DGKB: variants seen among roughly 807,000 people sequenced by gnomAD.
The protein encoded by DGKB is diacylglycerol kinase beta.
Under a neutral mutation model 114.3 loss-of-function variants are expected in DGKB, and 67 were observed. That is an observed-to-expected ratio of 0.59 (90% CI 0.48 to 0.72). The LOEUF (loss-of-function observed/expected upper bound fraction) is 0.72. Among genes scored for constraint, DGKB ranks in the 30% least tolerant of loss-of-function variants. The probability of loss-of-function intolerance (pLI) is 0.00; values close to 1 mark genes in which losing one functional copy is unlikely to be tolerated. For missense variants in DGKB, 907 were observed against 975.2 expected, an observed-to-expected ratio of 0.93 and a Z score of 0.93; for synonymous variants, 398 against 323.1, an observed-to-expected ratio of 1.23 and a Z score of -2.49.
At chr7:14,269,951 G>A (rs1335639814) in intron 23 of DGKB, among the ~76,000 whole-genome samples, 3 of 145,990 alleles carry the variant, frequency 2.1e-5, no homozygotes, top group Non-Finnish European at 4.5e-5. Flanking sequence ...GAATTAATAA[G>A]TAGGTACCTT....
At chr7:14,918,919 C>A (rs1355440427) in intron 1 of DGKB, among the ~76,000 whole-genome samples, 1 of 151,804 alleles carries the variant, frequency 6.6e-6, no homozygotes, top group Admixed American at 6.6e-5. Context: ...AAAAATTAGC[C>A]GGGCGTGGTG....
intron 19 of DGKB, among the ~76,000 whole-genome samples, chr7:14,579,388 G>A (rs1799608899): frequency 6.6e-6 from 1 of 152,122 alleles, no homozygotes; most frequent in South Asian, 2.1e-4. Context: ...TGCCAAATAT[G>A]GACTTCTTTA....
At chr7:14,878,442 G>T (rs1406892531) in intron 1 of DGKB, among the ~76,000 whole-genome samples, 1 of 152,008 alleles carries the variant, frequency 6.6e-6, no homozygotes, top group Non-Finnish European at 1.5e-5. Context: ...TTTTATTTGG[G>T]TATTAAAAAT....
At chr7:14,840,296 T>C in intron 2 of DGKB, among the ~76,000 whole-genome samples, 1 of 152,130 alleles carries the variant, frequency 6.6e-6, no homozygotes, top group Non-Finnish European at 1.5e-5. Context: ...ATTCTTATCA[T>C]TCTTATTGCA....
At chr7:14,769,119 AAGAAAGAGAG>A (rs1364687198) in intron 2 of DGKB, among the ~76,000 whole-genome samples, 13 of 111,208 alleles carry the variant, frequency 1.2e-4, no homozygotes, top group South Asian at 2.7e-4. Flanking sequence ...GAAAGAAAGA[AAGAAAGAGAG>A]AGAGAGAAAG....
At chr7:14,408,329 G>A (rs1333203493) in intron 21 of DGKB, among the ~76,000 whole-genome samples, 1 of 152,052 alleles carries the variant, frequency 6.6e-6, no homozygotes, top group Non-Finnish European at 1.5e-5. Flanking sequence ...TTTTGTCTTG[G>A]AGGGAGTAAG....
At position 14,777,441 on chromosome 7, in the gene DGKB, T is replaced by C. The variant is rs1015596543; in HGVS notation, c.71-19710A>G. On this transcript the variant is annotated intron_variant, in intron 2 of 25. Coordinates refer to ENST00000402815, the MANE Select transcript of DGKB (RefSeq NM_001350709.2). ...TAGTTTCCATAATCCCCACATGTCA[T>C]GGGAGGGACCTGGTGGGAGGTAACT... 2.6e-5 allele frequency among the ~76,000 whole-genome samples: 4 copies of C among 152,116 alleles called. No homozygotes were observed. The East Asian group carries it at 5.8e-4, about 22-fold the overall frequency.
chr7:14,273,933 A>G (rs1377096542), intron 23 of DGKB, among the ~76,000 whole-genome samples: 3 of 152,240 alleles, frequency 2.0e-5, no homozygotes, highest in African/African-American at 7.2e-5. Context: ...GTTTATTTAC[A>G]AACTTTACTT....
intron 21 of DGKB, among the ~76,000 whole-genome samples, chr7:14,453,053 C>T (rs1831758983): frequency 6.6e-6 from 1 of 152,152 alleles, no homozygotes; most frequent in South Asian, 2.1e-4. Context: ...ATAGCAATGG[C>T]TTACACATAT....
chr7:14,849,131 T>G (rs576646521), intron 1 of DGKB, among the ~76,000 whole-genome samples: 1 of 152,252 alleles, frequency 6.6e-6, no homozygotes, highest in African/African-American at 2.4e-5. Flanking sequence ...ATGAAAAGAT[T>G]ATTTAGGAAA....
At chr7:14,360,867 T>C (rs1260784657) in intron 21 of DGKB, among the ~76,000 whole-genome samples, 1 of 152,164 alleles carries the variant, frequency 6.6e-6, no homozygotes, top group Non-Finnish European at 1.5e-5. Context: ...GTTAATACTT[T>C]TCAATTATCT....
chr7:14,203,161 C>CAAATAAAAAAAA (rs1786172810), intron 23 of DGKB, among the ~76,000 whole-genome samples: 1 of 96,152 alleles, frequency 1.0e-5, no homozygotes, highest in Non-Finnish European at 2.1e-5. Flanking sequence ...GAGCAGTAGC[C>CAAATAAAAAAAA]AAAAAAAAAA....
At chr7:14,216,725 C>CAA (rs755191130) in intron 23 of DGKB, among the ~76,000 whole-genome samples, 246 of 49,290 alleles carry the variant, frequency 5.0e-3, no homozygotes, top group East Asian at 6.7e-3. Flanking sequence ...GACTCCGTCT[C>CAA]AAAAAAAAAA....
intron 6 of DGKB, among the ~76,000 whole-genome samples, chr7:14,710,746 G>C (rs529588977): frequency 1.8e-4 from 28 of 152,168 alleles, no homozygotes; most frequent in South Asian, 8.3e-4. Context: ...TATGGAATGT[G>C]ATAAAATACT....
At chr7:14,929,477 T>C (rs1463720748) in intron 1 of DGKB, among the ~76,000 whole-genome samples, 5 of 152,190 alleles carry the variant, frequency 3.3e-5, no homozygotes, top group African/African-American at 1.2e-4. Flanking sequence ...TGGTTAGTGA[T>C]GTTGAGCATT....
chr7:14,692,298 A>C lies in DGKB; in HGVS notation c.711+1777T>G, dbSNP rs111681283. On this transcript the variant is annotated intron_variant, in intron 9 of 25. Transcript: ENST00000402815. ...AGATGATTTACTTGCTCATTCCTGCATCTTCCCTCCTTCTCTCATCCTAGA... is the reference window on the plus strand; with the variant it reads ...AGATGATTTACTTGCTCATTCCTGCCTCTTCCCTCCTTCTCTCATCCTAGA... Among the ~76,000 whole-genome samples, 218 of 152,196 alleles carry C rather than the reference A, an allele frequency of 1.4e-3. 1 individual carries two copies. The highest frequency in any genetic ancestry group is 5.2e-3 in the African/African-American group (214 of 41,534).
intron 1 of DGKB, among the ~76,000 whole-genome samples, chr7:14,853,587 C>T (rs575342952): frequency 2.5e-4 from 38 of 151,876 alleles, no homozygotes; most frequent in East Asian, 2.1e-3. Context: ...ATTTATCAGG[C>T]CGGTCACAGT....
At chr7:14,272,523 T>C (rs1798409664) in intron 23 of DGKB, among the ~76,000 whole-genome samples, 1 of 152,224 alleles carries the variant, frequency 6.6e-6, no homozygotes, top group African/African-American at 2.4e-5. Context: ...GATTTATATC[T>C]TTGAAGAAGC....
At chr7:14,281,569 C>T (rs914330908) in intron 23 of DGKB, among the ~76,000 whole-genome samples, 1 of 147,018 alleles carries the variant, frequency 6.8e-6, no homozygotes, top group Non-Finnish European at 1.5e-5. Context: ...TTTTTTTCAG[C>T]ACCACACCAC....
Sources: gnomAD v4.1 joint callset for allele counts (sites outside exome capture counted in the v4.1 genomes callset) on GRCh38, gnomAD v4.1.1 for gene constraint, MANE v1.5 for transcripts, NCBI Gene and HGNC (gene_info 2026-07-23, HGNC 2026-07-21) for gene names.